The following PCDHGB2 variants were observed in gnomAD, a reference collection of about 807,000 sequenced individuals.
PCDHGB2 encodes protocadherin gamma subfamily B, 2.
In PCDHGB2, 55 loss-of-function variants were observed where a neutral mutation model predicts 59.3. The observed-to-expected ratio is 0.93, with a 90% CI of 0.75 to 1.16. PCDHGB2 has a LOEUF of 1.16. Among genes scored for constraint, PCDHGB2 ranks in the 50% most tolerant of loss-of-function variants. The probability of loss-of-function intolerance (pLI) is 0.00; values close to 1 mark genes in which losing one functional copy is unlikely to be tolerated. For synonymous variants in PCDHGB2, 516 were observed against 512.0 expected (o/e 1.01, Z -0.11); for missense variants, 1,228 against 1,198.5 (o/e 1.02, Z -0.36).
chr5:141,388,310 A>G, intron 1 of PCDHGB2: 1 of 1,613,880 alleles, frequency 6.2e-7, no homozygotes, highest in Non-Finnish European at 8.5e-7. Flanking sequence ...AGCTGCAAAT[A>G]AGTGAGTCTG....
Position 141,419,652 on chromosome 5 carries a change from C to T in PCDHGB2, c.2421+57096C>T, listed in dbSNP as rs563445438. 15 of 1,612,592 alleles carry T rather than the reference C, an allele frequency of 9.3e-6. 1 individual carries two copies. In the Admixed American group the frequency reaches 1.3e-4, roughly 14 times the overall value. On this transcript the variant is annotated intron_variant, in intron 1 of 3. Transcript: ENST00000522605. ...AAGGTGGTGGCCGTGGACGCGGACT[C>T]GGGGCACAATGCCTGGCTGTCCTAC... is the stretch of plus-strand genomic sequence containing the variant.
At chr5:141,413,364 G>A (rs759265336) in intron 1 of PCDHGB2, 14 of 1,613,870 alleles carry the variant, frequency 8.7e-6, no homozygotes, top group African/African-American at 5.3e-5. Flanking sequence ...CCCGGGAGCT[G>A]GCGGAGCGCG....
In PCDHGB2 at chr5:141,490,390, G is replaced by C. The variant is rs2099699651; in HGVS notation, c.2422-4417G>C. The C allele has an allele frequency of 6.2e-7, 1 of 1,614,074 alleles. No individual in the cohort carries two copies. The highest frequency in any genetic ancestry group is 8.5e-7 in the Non-Finnish European group (1 of 1,180,040). On this transcript the variant is annotated intron_variant, in intron 1 of 3. Coordinates refer to ENST00000522605, the MANE Select transcript of PCDHGB2 (RefSeq NM_018923.3). This position sits in a 1 kb window ranked among gnomAD's most constrained non-coding sequence, Gnocchi z 5.4. ...AGACCGGGACTCAGGTAGAAATGGT[G>C]AAGTGAGCCTTGATATCTCTCCGGA... is the stretch of plus-strand genomic sequence containing the variant.
At chr5:141,375,485 G>C (rs1478417043) in intron 1 of PCDHGB2, 1 of 1,613,678 alleles carries the variant, frequency 6.2e-7, no homozygotes, top group African/African-American at 1.3e-5. Flanking sequence ...CAACCCCAGG[G>C]GTGCCTCCAT....
intron 1 of PCDHGB2, chr5:141,421,637 A>T: frequency 6.2e-7 from 1 of 1,613,810 alleles, no homozygotes; most frequent in Non-Finnish European, 8.5e-7. Flanking sequence ...TTCCAGGAGG[A>T]CGAAGTGGAG....
rs1025985501 is a variant in PCDHGB2 at position 141,432,385 on chromosome 5, C to G, written c.2422-62422C>G. 2.5e-6 allele frequency: 4 copies of G among 1,614,138 alleles called. No homozygotes were observed. In the African/African-American group the frequency reaches 5.3e-5, roughly 22 times the overall value. Reference sequence around the variant, plus strand: ...CGCGGGACAACGGGCACCCGCCCCTCAGCAGCAACGTGTCGTTGAGCCTGT... The same window carrying G: ...CGCGGGACAACGGGCACCCGCCCCTGAGCAGCAACGTGTCGTTGAGCCTGT... On this transcript the variant is annotated intron_variant, in intron 1 of 3. Transcript: ENST00000522605. The surrounding 1 kb of genome is among the most constrained non-coding windows in gnomAD (Gnocchi z 6.0).
At chr5:141,362,916 A>G (rs17097238) in intron 1 of PCDHGB2, among the ~76,000 whole-genome samples, 21,522 of 152,218 alleles carry the variant, frequency 0.14, 2,117 homozygotes, top group African/African-American at 0.29. Context: ...ATAATACTTC[A>G]GAGTAAAGAG....
At chr5:141,392,694 CCT>C in intron 1 of PCDHGB2, 4 of 1,186,390 alleles carry the variant, frequency 3.4e-6, no homozygotes, top group Non-Finnish European at 4.6e-6. Flanking sequence ...AAACCCGACC[CCT>C]GTTTGGAGGC....
At chr5:141,371,686 C>A (rs377384867) in intron 1 of PCDHGB2, 4 of 1,613,910 alleles carry the variant, frequency 2.5e-6, no homozygotes, top group Non-Finnish European at 3.4e-6. Flanking sequence ...GGCAATCCAC[C>A]GCTCTCCTCC....
chr5:141,409,639 G>A, intron 1 of PCDHGB2: 1 of 1,613,760 alleles, frequency 6.2e-7, no homozygotes, highest in Non-Finnish European at 8.5e-7. Flanking sequence ...CCTCTGACCC[G>A]GATTTGGGGC....
chr5:141,449,424 T>C (rs2098638345), intron 1 of PCDHGB2, among the ~76,000 whole-genome samples: 1 of 151,674 alleles, frequency 6.6e-6, no homozygotes, highest in Admixed American at 6.6e-5. Context: ...CTGGCCAACA[T>C]GATAAAACTC....
At chr5:141,440,280 A>G (rs1389627767) in intron 1 of PCDHGB2, 1 of 152,220 alleles carries the variant, frequency 6.6e-6, no homozygotes, top group East Asian at 1.9e-4. Context: ...CAGCCTGACC[A>G]ACATAGTGAA....
At chr5:141,494,729 C>A in intron 1 of PCDHGB2, 78 bp from the exon 2 acceptor site, 1 of 1,610,166 alleles carries the variant, frequency 6.2e-7, no homozygotes. Context: ...CCTTCTCTCC[C>A]GGCCCATCCC....
At chr5:141,443,199 G>C (rs936013020) in intron 1 of PCDHGB2, among the ~76,000 whole-genome samples, 1 of 152,002 alleles carries the variant, frequency 6.6e-6, no homozygotes. Context: ...ATAGTACAAA[G>C]AGCTTGTCTC....
intron 1 of PCDHGB2, chr5:141,383,693 A>C (rs771447649): frequency 3.7e-6 from 6 of 1,613,930 alleles, no homozygotes; most frequent in Non-Finnish European, 5.1e-6. Context: ...CTCACGGTAC[A>C]TGCTATCGAC....
At chr5:141,478,821 A>G (rs72790063) in intron 1 of PCDHGB2, 38,524 of 1,444,166 alleles carry the variant, frequency 0.027, 650 homozygotes, top group East Asian at 0.045. Flanking sequence ...CAACTAACCA[A>G]TCTTGCTAAG....
At chr5:141,415,135 G>A (rs1224251849) in intron 1 of PCDHGB2, 7 of 1,613,666 alleles carry the variant, frequency 4.3e-6, no homozygotes, top group East Asian at 2.2e-5. Flanking sequence ...CCAGGACCAC[G>A]GCCAGCCCCC....
intron 1 of PCDHGB2, among the ~76,000 whole-genome samples, chr5:141,466,776 C>T (rs2099129231): frequency 6.6e-6 from 1 of 152,104 alleles, no homozygotes; most frequent in African/African-American, 2.4e-5. Flanking sequence ...TTATCTTATT[C>T]TTCTTAGTGC....
chr5:141,467,764 TGCCCGCACCTCA>T (rs544344217), intron 1 of PCDHGB2, among the ~76,000 whole-genome samples: 90 of 152,158 alleles, frequency 5.9e-4, no homozygotes, highest in South Asian at 1.0e-3. Context: ...CATGCTCAAG[TGCCCGCACCTCA>T]GCCTCTCAAG....
Sources: allele counts gnomAD v4.1 joint callset (sites outside exome capture counted in the v4.1 genomes callset), GRCh38; gene constraint gnomAD v4.1.1; non-coding constraint Gnocchi (gnomAD v3.1); transcripts MANE v1.5; gene names NCBI Gene and HGNC (gene_info 2026-07-23, HGNC 2026-07-21).